The following SERPINB10 variants were observed in gnomAD, a reference collection of about 807,000 sequenced individuals.
SERPINB10 encodes the protein serpin family B member 10.
A neutral mutation model predicts 39.1 loss-of-function variants in SERPINB10; 35 were observed. The observed-to-expected ratio is 0.90, with a 90% CI of 0.68 to 1.19. The LOEUF is 1.19. Among genes scored for constraint, SERPINB10 ranks in the 50% most tolerant of loss-of-function variants. The pLI, the probability that SERPINB10 is intolerant of heterozygous loss-of-function variation, is 0.00. For missense variants in SERPINB10, 546 were observed against 460.5 expected, an observed-to-expected ratio of 1.19 and a Z score of -1.70; for synonymous variants, 190 against 158.1, an observed-to-expected ratio of 1.20 and a Z score of -1.52.
rs2050253622 is a variant in SERPINB10, at chr18:63,935,151, T to C, written c.1103T>C (p.Ile368Thr). The change falls in exon 8 of 8, where the codon ATT becomes ACT. Residue 368 changes from isoleucine to threonine, a missense_variant. Physicochemically the swap from Ile to Thr is moderately conservative, Grantham distance 89. Transcript: ENST00000238508. ...EIDIRIRVPSIEFNANHPFLF... is the reference protein window; with the variant it reads ...EIDIRIRVPSTEFNANHPFLF... ...GATATACGAATTAGAGTCCCATCCA[T>C]TGAATTCAATGCAAATCACCCATTC... is the stretch of plus-strand genomic sequence containing the variant. The C allele has an allele frequency of 1.2e-6, 2 of 1,613,360 alleles. No homozygotes were observed. The highest frequency in any genetic ancestry group is 1.7e-6 in the Non-Finnish European group (2 of 1,180,016).
At chr18:63,915,798 A>G (rs1365395692) in intron 2 of SERPINB10, 120 bp downstream of exon 2, 9 of 853,312 alleles carry the variant, frequency 1.1e-5, no homozygotes, top group Middle Eastern at 2.4e-4. Flanking sequence ...ATTCTCTAAA[A>G]CAAGACATAC....
At chr18:63,912,047 A>G (rs9955526) in intron 1 of SERPINB10, among the ~76,000 whole-genome samples, 35,803 of 151,386 alleles carry the variant, frequency 0.24, 4,487 homozygotes, top group Admixed American at 0.31. Context: ...TTTGGCTATC[A>G]TAAATGGAAT....
chr18:63,908,391 G>T (rs1310880994), intron 1 of SERPINB10, among the ~76,000 whole-genome samples: 1 of 151,986 alleles, frequency 6.6e-6, no homozygotes, highest in Non-Finnish European at 1.5e-5. Context: ...GTCAACATAG[G>T]CAGAGATAAA....
chr18:63,908,456 T>C (rs554411936), intron 1 of SERPINB10, among the ~76,000 whole-genome samples: 29 of 152,188 alleles, frequency 1.9e-4, no homozygotes, highest in African/African-American at 7.0e-4. Context: ...TTAGGAAATG[T>C]GAGCTTGGCA....
At chr18:63,913,200 A>G (rs1270073070) in intron 1 of SERPINB10, among the ~76,000 whole-genome samples, 1 of 151,796 alleles carries the variant, frequency 6.6e-6, no homozygotes, top group African/African-American at 2.4e-5. Context: ...CAGTCTATCA[A>G]TCATGTTTAT....
At chr18:63,914,937 T>G (rs534644293) in intron 1 of SERPINB10, among the ~76,000 whole-genome samples, 1 of 151,832 alleles carries the variant, frequency 6.6e-6, no homozygotes, top group Admixed American at 6.6e-5. Context: ...AGACAAACAG[T>G]CTTAACTTCT....
At chr18:63,918,954 G>T (rs1038518585) in intron 4 of SERPINB10, among the ~76,000 whole-genome samples, 1 of 144,460 alleles carries the variant, frequency 6.9e-6, no homozygotes, top group Non-Finnish European at 1.5e-5. Context: ...GACAGGCAGT[G>T]GTCCCTCAAA....
intron 2 of SERPINB10, 114 bp downstream of exon 2, chr18:63,915,792 T>C: frequency 1.1e-6 from 1 of 933,898 alleles, no homozygotes; most frequent in Non-Finnish European, 1.6e-6. Context: ...AATAACATTC[T>C]CTAAAACAAG....
At position 63,933,184 on chromosome 18, in the gene SERPINB10, A is replaced by T. The variant is rs1348510439; in HGVS notation, c.770A>T (p.Asp257Val). The part of the protein sequence containing the change: ...DLSLLILLPE[D>V]INGLEQLEKA... ...AGCCTGCTTATACTACTGCCAGAAGACATTAATGGGCTGGAACAGGTAAAT... is the reference window on the plus strand; with the variant it reads ...AGCCTGCTTATACTACTGCCAGAAGTCATTAATGGGCTGGAACAGGTAAAT... The change falls in exon 7 of 8, where the codon GAC becomes GTC. Residue 257 changes from aspartate to valine, a missense_variant. Physicochemically the swap from Asp to Val is radical, Grantham distance 152 (BLOSUM62 -3). Coordinates refer to ENST00000238508, the MANE Select transcript of SERPINB10 (RefSeq NM_005024.3). 2 of 1,613,924 alleles carry T rather than the reference A, an allele frequency of 1.2e-6. No homozygotes were observed. Among genetic ancestry groups the T allele is most frequent in the African/African-American group, 2.7e-5 (2 of 74,922 alleles).
intron 3 of SERPINB10, 75 bp downstream of exon 3, chr18:63,917,596 TG>T (rs1555704375): frequency 1.2e-6 from 1 of 841,864 alleles, no homozygotes; most frequent in Non-Finnish European, 1.8e-6. Flanking sequence ...TAGTGATAAC[TG>T]AAGCAACTTT....
At chr18:63,933,268 G>C in intron 7 of SERPINB10, 65 bp downstream of exon 7, 2 of 1,558,368 alleles carry the variant, frequency 1.3e-6, no homozygotes. Flanking sequence ...AGAACTGCTT[G>C]GCCAAGGTTT....
chr18:63,917,332 CTTTG>C, intron 2 of SERPINB10, 120 bp from the exon 3 acceptor site: 1 of 494,110 alleles, frequency 2.0e-6, no homozygotes. Flanking sequence ...GTCAGAGCCC[CTTTG>C]TTTAACTAAT....
intron 6 of SERPINB10, among the ~76,000 whole-genome samples, chr18:63,932,567 T>C (rs1176081546): frequency 6.6e-6 from 1 of 152,252 alleles, no homozygotes; most frequent in Non-Finnish European, 1.5e-5. Flanking sequence ...TTGTTTGTTT[T>C]ATTATTGTTG....
intron 6 of SERPINB10, among the ~76,000 whole-genome samples, chr18:63,930,410 G>C (rs190107483): frequency 1.9e-4 from 29 of 152,202 alleles, no homozygotes; most frequent in Non-Finnish European, 4.3e-4. Context: ...TGCCACCCAT[G>C]TGAGCTGGGT....
chr18:63,926,893 A>G (rs1189823131), intron 5 of SERPINB10, among the ~76,000 whole-genome samples: 1 of 152,086 alleles, frequency 6.6e-6, no homozygotes, highest in Non-Finnish European at 1.5e-5. Context: ...ATTATTATAA[A>G]TGTGGTGTAT....
chr18:63,925,128 A>C (rs1276491007), intron 5 of SERPINB10, among the ~76,000 whole-genome samples: 1 of 152,026 alleles, frequency 6.6e-6, no homozygotes, highest in Non-Finnish European at 1.5e-5. Flanking sequence ...AGAAATTACA[A>C]ATAAGGCAAA....
chr18:63,929,276 AT>A (rs1462381600), intron 5 of SERPINB10, among the ~76,000 whole-genome samples: 1 of 152,166 alleles, frequency 6.6e-6, no homozygotes, highest in Non-Finnish European at 1.5e-5. Context: ...AAGAGTATTT[AT>A]TTTATTTTTT....
At chr18:63,932,013 T>C (rs1342040213) in intron 6 of SERPINB10, among the ~76,000 whole-genome samples, 1 of 152,220 alleles carries the variant, frequency 6.6e-6, no homozygotes, top group East Asian at 1.9e-4. Context: ...ATACAGCACG[T>C]AGCCTTTTGA....
intron 1 of SERPINB10, among the ~76,000 whole-genome samples, chr18:63,909,467 T>C (rs2050048480): frequency 6.6e-6 from 1 of 152,062 alleles, no homozygotes; most frequent in South Asian, 2.1e-4. Context: ...AATAAAGAAT[T>C]GTTTCTCTTG....
Sources: allele counts gnomAD v4.1 joint callset (sites outside exome capture counted in the v4.1 genomes callset), GRCh38; gene constraint gnomAD v4.1.1; transcripts MANE v1.5; gene names NCBI Gene and HGNC (gene_info 2026-07-23, HGNC 2026-07-21).